VTI1A: variants seen among roughly 807,000 people sequenced by gnomAD.
VTI1A encodes vesicle transport through interaction with t-SNAREs homolog 1A.
VTI1A carries 22 observed loss-of-function variants against 34.9 expected under a neutral mutation model. That is an observed-to-expected ratio of 0.63 (90% CI 0.45 to 0.90). VTI1A has a LOEUF of 0.90. Among genes scored for constraint, VTI1A ranks in the 40% least tolerant of loss-of-function variants. The probability of loss-of-function intolerance (pLI) is 0.00; values close to 1 mark genes in which losing one functional copy is unlikely to be tolerated. For synonymous variants in VTI1A, 87 were observed against 97.3 expected, an observed-to-expected ratio of 0.89 and a Z score of 0.62; for missense variants, 268 against 275.6, an observed-to-expected ratio of 0.97 and a Z score of 0.20.
intron 5 of VTI1A, among the ~76,000 whole-genome samples, chr10:112,541,166 C>G (rs1344167025): frequency 1.3e-5 from 2 of 151,964 alleles, no homozygotes; most frequent in Non-Finnish European, 2.9e-5. Flanking sequence ...AAATTGGCAT[C>G]CCTATTTTAG....
At chr10:112,447,187 C>A (rs2133985991), upstream of VTI1A, 3 of 578,308 alleles carry the variant, frequency 5.2e-6, no homozygotes, top group South Asian at 7.2e-5. Context: ...CGCACGCAAC[C>A]CAATTTCCGG....
intron 5 of VTI1A, among the ~76,000 whole-genome samples, chr10:112,550,135 G>A (rs1266646063): frequency 6.6e-6 from 1 of 152,104 alleles, no homozygotes; most frequent in Non-Finnish European, 1.5e-5. Flanking sequence ...TTTTCCAGTT[G>A]GTTTGTAAGA....
At position 112,817,397 on chromosome 10, in the gene VTI1A, C is replaced by T. The variant is rs1388474914; in HGVS notation, c.*2014C>T. On this transcript the variant is annotated 3_prime_UTR_variant, in exon 8 of 8. Transcript: ENST00000393077. The stretch of plus-strand genomic sequence containing the variant: ...ATCCTGGCGTTCATGTTGAAGCAGA[C>T]AAAATGAGAAAGGAGGAGGGCATTG... The T allele has an allele frequency of 4.3e-6, 1 of 232,116 alleles. No homozygotes were observed. The highest frequency in any genetic ancestry group is 8.5e-6 in the Non-Finnish European group (1 of 117,450). 14.4% of individuals were successfully genotyped at this position (232,116 alleles called of 1,614,324 possible).
At chr10:112,710,503 G>A (rs552972939) in intron 7 of VTI1A, among the ~76,000 whole-genome samples, 7 of 152,164 alleles carry the variant, frequency 4.6e-5, no homozygotes, top group South Asian at 2.1e-4. Flanking sequence ...CACCACGCCC[G>A]GCTCAGTTAA....
At chr10:112,750,215 G>T (rs1479559256) in intron 7 of VTI1A, among the ~76,000 whole-genome samples, 2 of 151,772 alleles carry the variant, frequency 1.3e-5, no homozygotes, top group African/African-American at 2.4e-5. Flanking sequence ...TTGAGGTAGG[G>T]TCTCACTCTG....
chr10:112,633,268 AG>A (rs1489803968), intron 5 of VTI1A, among the ~76,000 whole-genome samples: 1 of 152,230 alleles, frequency 6.6e-6, no homozygotes, highest in Non-Finnish European at 1.5e-5. Context: ...ACATAATAAT[AG>A]TAAGAAGAAG....
chr10:112,487,396 T>C (rs1848678539), intron 3 of VTI1A, among the ~76,000 whole-genome samples: 1 of 152,206 alleles, frequency 6.6e-6, no homozygotes, highest in African/African-American at 2.4e-5. Context: ...AGTGCTGGGC[T>C]TACAGGTGTG....
intron 5 of VTI1A, among the ~76,000 whole-genome samples, chr10:112,625,724 GA>G (rs1169343883): frequency 1.3e-5 from 2 of 151,322 alleles, no homozygotes; most frequent in Admixed American, 1.3e-4. Context: ...GCATAAGAAT[GA>G]CGCAATGGAC....
chr10:112,845,523 G>A, the VTI1A span, among the ~76,000 whole-genome samples: 4 of 152,298 alleles, frequency 2.6e-5, no homozygotes, highest in African/African-American at 4.8e-5. Flanking sequence ...GCGCAGCAGC[G>A]ACCCTCTCCC....
At chr10:112,483,570 T>C (rs1251554015) in intron 3 of VTI1A, among the ~76,000 whole-genome samples, 1 of 152,200 alleles carries the variant, frequency 6.6e-6, no homozygotes, top group African/African-American at 2.4e-5. Flanking sequence ...AATTTGGGCC[T>C]GAATAATTCT....
intron 5 of VTI1A, among the ~76,000 whole-genome samples, chr10:112,571,964 A>C (rs1176193898): frequency 6.6e-6 from 1 of 152,232 alleles, no homozygotes; most frequent in Non-Finnish European, 1.5e-5. Flanking sequence ...TGGGAACAGC[A>C]GACACTGGAG....
intron 7 of VTI1A, among the ~76,000 whole-genome samples, chr10:112,690,316 T>A (rs1848570875): frequency 6.6e-6 from 1 of 152,216 alleles, no homozygotes; most frequent in Non-Finnish European, 1.5e-5. Flanking sequence ...AGTATATGTT[T>A]AATTTTATAA....
intron 7 of VTI1A, among the ~76,000 whole-genome samples, chr10:112,813,897 T>G (rs1164984537): frequency 6.6e-6 from 1 of 152,122 alleles, no homozygotes; most frequent in Non-Finnish European, 1.5e-5. Context: ...ACTAAGGCAG[T>G]TTTGCGGAAG....
chr10:112,691,467 G>A (rs1167409305), intron 7 of VTI1A, among the ~76,000 whole-genome samples: 4 of 151,960 alleles, frequency 2.6e-5, no homozygotes, highest in Non-Finnish European at 5.9e-5. Flanking sequence ...GTTTAGTTGA[G>A]ATATGACTGT....
chr10:112,545,922 CATGT>C (rs1851066711), intron 5 of VTI1A, among the ~76,000 whole-genome samples: 1 of 149,262 alleles, frequency 6.7e-6, no homozygotes, highest in Non-Finnish European at 1.5e-5. Flanking sequence ...TGTGTGTGTG[CATGT>C]GTTTGTGTAT....
At chr10:112,744,279 A>G (rs188011415) in intron 7 of VTI1A, among the ~76,000 whole-genome samples, 21 of 152,238 alleles carry the variant, frequency 1.4e-4, no homozygotes, top group Admixed American at 7.2e-4. Flanking sequence ...CCTCCAATTC[A>G]GCGTCCACTC....
chr10:112,757,925 G>A (rs1025096165), intron 7 of VTI1A, among the ~76,000 whole-genome samples: 5 of 152,082 alleles, frequency 3.3e-5, no homozygotes, highest in African/African-American at 9.7e-5. Context: ...CATTTTATAT[G>A]TTATAAACTA....
intron 5 of VTI1A, among the ~76,000 whole-genome samples, chr10:112,618,489 T>TTATATATA (rs1209916722): frequency 1.5e-4 from 11 of 74,354 alleles, no homozygotes; most frequent in Admixed American, 2.5e-4. Flanking sequence ...AATGATTATA[T>TTATATATA]TATATATATA....
chr10:112,587,178 C>G (rs936255490), intron 5 of VTI1A, among the ~76,000 whole-genome samples: 1 of 152,092 alleles, frequency 6.6e-6, no homozygotes, highest in African/African-American at 2.4e-5. Flanking sequence ...GAAATTATGA[C>G]TTTTCTGCTT....
Sources: gnomAD v4.1 joint callset for allele counts (sites outside exome capture counted in the v4.1 genomes callset) on GRCh38, gnomAD v4.1.1 for gene constraint, MANE v1.5 for transcripts, NCBI Gene and HGNC (gene_info 2026-07-23, HGNC 2026-07-21) for gene names.